JCAD: variants seen among roughly 807,000 people sequenced by gnomAD.
The protein encoded by JCAD is junctional cadherin 5-associated protein.
In JCAD, 40 loss-of-function variants were observed where a neutral mutation model predicts 98.0. The ratio of observed to expected loss-of-function variants is 0.41; its 90% CI spans 0.32 to 0.53. JCAD has a LOEUF of 0.53. JCAD is among the 20% of genes least tolerant of loss of function. JCAD has a pLI of 0.31. For synonymous variants in JCAD, 691 were observed against 682.3 expected, an observed-to-expected ratio of 1.01 and a Z score of -0.20; for missense variants, 1,705 against 1,738.1, an observed-to-expected ratio of 0.98 and a Z score of 0.34.
intron 2 of JCAD, among the ~76,000 whole-genome samples, chr10:30,046,782 A>G (rs1837346441): frequency 6.6e-6 from 1 of 152,190 alleles, no homozygotes; most frequent in Non-Finnish European, 1.5e-5. Context: ...GAACACCCTG[A>G]ATATCACAGT....
chr10:30,090,841 G>T (rs1157821327), intron 1 of JCAD, among the ~76,000 whole-genome samples: 2 of 152,154 alleles, frequency 1.3e-5, no homozygotes, highest in Admixed American at 1.3e-4. Flanking sequence ...TGATAAATAA[G>T]ATGGGGGGCA....
chr10:30,106,499 G>A (rs944788636), intron 1 of JCAD, among the ~76,000 whole-genome samples: 5 of 152,074 alleles, frequency 3.3e-5, no homozygotes, highest in African/African-American at 1.2e-4. Context: ...GCCTAGAGTA[G>A]CACAGAAGAT....
rs901941072 is a variant in JCAD at position 30,014,789 on chromosome 10, C to G, written c.*3094G>C. On this transcript the variant is annotated 3_prime_UTR_variant, in exon 4 of 4. Transcript: ENST00000375377. Reference sequence around the variant, plus strand: ...ACTTCCATTAACAACGGCCCTTCACCAACAGTAAAATGGGGCAGCAAAAGT... The same window carrying G: ...ACTTCCATTAACAACGGCCCTTCACGAACAGTAAAATGGGGCAGCAAAAGT... The G allele has an allele frequency of 6.6e-6, 1 of 152,112 alleles. No homozygotes were observed. Among genetic ancestry groups the G allele is most frequent in the Non-Finnish European group, 1.5e-5 (1 of 68,034 alleles). 9.4% of individuals were successfully genotyped at this position (152,112 alleles called of 1,614,324 possible). A position where few individuals can be genotyped will look rare whatever the true frequency, so the allele number is the denominator to read the frequency against.
chr10:30,100,594 C>T (rs1035414934), intron 1 of JCAD, among the ~76,000 whole-genome samples: 4 of 152,122 alleles, frequency 2.6e-5, no homozygotes, highest in Admixed American at 6.6e-5. Flanking sequence ...AAGTTGGCCA[C>T]GCTGGTCTCG....
intron 1 of JCAD, among the ~76,000 whole-genome samples, chr10:30,092,048 A>ATAT (rs1838278587): frequency 1.7e-4 from 5 of 30,232 alleles, no homozygotes; most frequent in African/African-American, 9.4e-4. Flanking sequence ...AAAAAAAAAA[A>ATAT]AAAAAAAAAA....
intron 2 of JCAD, among the ~76,000 whole-genome samples, chr10:30,042,828 A>C (rs1263615968): frequency 6.6e-6 from 1 of 152,010 alleles, no homozygotes; most frequent in South Asian, 2.1e-4. Context: ...CTCCCAAAGG[A>C]TCTATGAAGG....
intron 2 of JCAD, among the ~76,000 whole-genome samples, chr10:30,035,290 A>G (rs1236136491): frequency 6.6e-6 from 1 of 152,230 alleles, no homozygotes; most frequent in Non-Finnish European, 1.5e-5. Context: ...TAACAAACCA[A>G]AATAACTAAG....
intron 1 of JCAD, among the ~76,000 whole-genome samples, chr10:30,053,768 A>C (rs1481443150): frequency 6.6e-6 from 1 of 151,796 alleles, no homozygotes; most frequent in Non-Finnish European, 1.5e-5. Context: ...TAGTAAAAAA[A>C]AAAAAAATTC....
intron 2 of JCAD, among the ~76,000 whole-genome samples, chr10:30,041,703 C>G (rs1369705000): frequency 6.6e-6 from 1 of 152,146 alleles, no homozygotes; most frequent in Non-Finnish European, 1.5e-5. Flanking sequence ...AAAAATCTTA[C>G]CAGAATTCCT....
At position 30,027,146 on chromosome 10, in the gene JCAD, T is replaced by C. The variant is rs142806008; in HGVS notation, c.3002A>G (p.Glu1001Gly). The change falls in exon 3 of 4, where the codon GAA becomes GGA. Residue 1001 changes from glutamate (E) to glycine (G), a missense_variant. Glu to Gly is a moderately conservative substitution (Grantham distance 98, BLOSUM62 -2). Transcript: ENST00000375377. ...SYPAEPREPQ[E>G]SPKITSAFSS... Reference sequence around the variant, plus strand: ...GAAAGCACTGGTGATTTTCGGACTTTCCTGGGGCTCCCTAGGTTCAGCTGG... The same window carrying C: ...GAAAGCACTGGTGATTTTCGGACTTCCCTGGGGCTCCCTAGGTTCAGCTGG... 1.1e-5 allele frequency: 18 copies of C among 1,614,140 alleles called. No individual in the cohort carries two copies. Among genetic ancestry groups the C allele is most frequent in the African/African-American group, 1.1e-4 (8 of 75,060 alleles).
intron 1 of JCAD, among the ~76,000 whole-genome samples, chr10:30,098,848 A>G (rs1178225556): frequency 6.6e-6 from 1 of 152,132 alleles, no homozygotes; most frequent in Non-Finnish European, 1.5e-5. Context: ...TCGTCCCCCA[A>G]AAACTTCCTG....
chr10:30,106,888 CAAG>C (rs1233465917), intron 1 of JCAD, among the ~76,000 whole-genome samples: 1 of 152,186 alleles, frequency 6.6e-6, no homozygotes, highest in East Asian at 1.9e-4. Context: ...CTGGGCATGC[CAAG>C]AAGAAGGCTG....
At chr10:30,098,292 A>G (rs945266411) in intron 1 of JCAD, among the ~76,000 whole-genome samples, 4 of 151,912 alleles carry the variant, frequency 2.6e-5, no homozygotes, top group African/African-American at 9.7e-5. Context: ...CAGGACTTCT[A>G]TCTAGAAGGT....
At chr10:30,109,941 T>C (rs1415450950) in intron 1 of JCAD, among the ~76,000 whole-genome samples, 2 of 151,974 alleles carry the variant, frequency 1.3e-5, no homozygotes, top group Non-Finnish European at 2.9e-5. Context: ...GACCCCCCTG[T>C]GTATGGACCA....
chr10:30,026,305 G>C lies in JCAD; in HGVS notation c.3843C>G (p.Ser1281=). ...MRVLSFRNAD[S]QEDAEELKAT... ...CCTTCAATTCCTCGGCGTCCTCCTGGGAGTCGGCATTCCTGAAGCTCAGGA... is the reference window on the plus strand; with the variant it reads ...CCTTCAATTCCTCGGCGTCCTCCTGCGAGTCGGCATTCCTGAAGCTCAGGA... Residue 1281 remains serine, a synonymous_variant, in exon 3 of 4, where the codon TCC becomes TCG. Transcript: ENST00000375377. The C allele has an allele frequency of 6.2e-7, 1 of 1,613,980 alleles. No individual in the cohort carries two copies.
At chr10:30,061,302 G>A (rs1406662940), upstream of JCAD, among the ~76,000 whole-genome samples, 4 of 152,174 alleles carry the variant, frequency 2.6e-5, no homozygotes, top group Non-Finnish European at 1.5e-5. Flanking sequence ...CAGCACTTTG[G>A]GAGGACAAGG....
chr10:30,055,361 T>C (rs181325120), intron 1 of JCAD, among the ~76,000 whole-genome samples: 6 of 152,354 alleles, frequency 3.9e-5, no homozygotes, highest in Non-Finnish European at 2.9e-5. Context: ...TATAACAAAG[T>C]ACTTTCTTTA....
At chr10:30,110,149 C>T (rs908927438) in intron 1 of JCAD, among the ~76,000 whole-genome samples, 1 of 149,868 alleles carries the variant, frequency 6.7e-6, no homozygotes, top group Non-Finnish European at 1.5e-5. Context: ...TATAGACCAG[C>T]TGATGTGTGC....
chr10:30,094,472 CA>C (rs1235385678), intron 1 of JCAD, among the ~76,000 whole-genome samples: 1 of 151,874 alleles, frequency 6.6e-6, no homozygotes, highest in Non-Finnish European at 1.5e-5. Flanking sequence ...AAAACCACAA[CA>C]AAAACAAAAC....
Sources: gnomAD v4.1 joint callset for allele counts (sites outside exome capture counted in the v4.1 genomes callset) on GRCh38, gnomAD v4.1.1 for gene constraint, MANE v1.5 for transcripts, NCBI Gene and HGNC (gene_info 2026-07-23, HGNC 2026-07-21) for gene names.